Variants in LRRC8E observed in about 807,000 individuals in gnomAD.
The protein encoded by LRRC8E is volume-regulated anion channel subunit LRRC8E.
A neutral mutation model predicts 6.1 loss-of-function variants in LRRC8E; 6 were observed. The ratio of observed to expected loss-of-function variants is 0.98; its 90% CI spans 0.54 to 1.93. The LOEUF (loss-of-function observed/expected upper bound fraction) is 1.93, where lower values mean the gene tolerates loss of function less well. Among genes scored for constraint, LRRC8E ranks in the 30% most tolerant of loss-of-function variants. The pLI is 0.01. For missense variants in LRRC8E, 1,028 were observed against 1,031.4 expected (o/e 1.00, Z 0.04); for synonymous variants, 485 against 472.8 (o/e 1.03, Z -0.33).
In LRRC8E at chr19:7,899,363, A is replaced by G. The variant is rs762580049; in HGVS notation, c.841A>G (p.Ser281Gly). The stretch of plus-strand genomic sequence containing the variant: ...CAACCTGGTCTATGTGGAGAAGATC[A>G]GTTTCCTGGTGGCCTGTAGGGTGGA... ...VYNLVYVEKISFLVACRVETS... is the reference protein window; with the variant it reads ...VYNLVYVEKIGFLVACRVETS... The change falls in exon 3 of 3, where the codon AGT (serine) becomes GGT (glycine). Residue 281 changes from serine (S) to glycine (G), a missense_variant. Physicochemically the swap from Ser to Gly is moderately conservative, Grantham distance 56 (BLOSUM62 0). Transcript: ENST00000306708. The G allele has an allele frequency of 2.5e-6, 4 of 1,614,156 alleles. No individual in the cohort carries two copies. In the South Asian group the frequency reaches 3.3e-5, roughly 13 times the overall value.
At position 7,898,755 on chromosome 19, in the gene LRRC8E, C is replaced by T; in HGVS notation, c.233C>T (p.Pro78Leu). ...CAGCAATTGCTGCCTCGGGGGATCC[C>T]TGAGCAGATTGGGGCCCTGCAGGAG... ...PCQQLLPRGI[P>L]EQIGALQEVK... Residue 78 changes from proline to leucine, a missense_variant, in exon 3 of 3, where the codon CCT (proline) becomes CTT (leucine). Pro to Leu is a moderately conservative substitution (Grantham distance 98). Transcript: ENST00000306708. 6.2e-7 allele frequency: 1 copy of T among 1,614,098 alleles called. No homozygotes were observed. Among genetic ancestry groups the T allele is most frequent in the Non-Finnish European group, 8.5e-7 (1 of 1,180,020 alleles).
chr19:7,896,999 G>A (rs1210026942), intron 2 of LRRC8E, among the ~76,000 whole-genome samples: 1 of 152,128 alleles, frequency 6.6e-6, no homozygotes, highest in Non-Finnish European at 1.5e-5. Context: ...GGATTGAGTG[G>A]CTTAAATAAC....
chr19:7,891,547 T>TGTGTGTGTG (rs1568262044), intron 1 of LRRC8E, among the ~76,000 whole-genome samples: 47 of 91,582 alleles, frequency 5.1e-4, no homozygotes, highest in Non-Finnish European at 8.7e-4. Context: ...GTGTGTGTGT[T>TGTGTGTGTG]TGTGTGTGTG....
Position 7,899,539 on chromosome 19 carries a change from C to T in LRRC8E, c.1017C>T (p.Leu339=), listed in dbSNP as rs1981825616. The part of the protein sequence containing the change: ...YTLYWLFHRP[L]KEYSFRSVRE... ...TCTACTGGCTCTTCCACCGGCCCCT[C>T]AAGGAGTACTCCTTCCGTTCCGTGC... is the stretch of plus-strand genomic sequence containing the variant. Residue 339 remains leucine, a synonymous_variant, in exon 3 of 3, where the codon CTC becomes CTT. Transcript: ENST00000306708. 1 of 1,613,980 alleles carries T rather than the reference C, an allele frequency of 6.2e-7. No individual in the cohort carries two copies. The highest frequency in any genetic ancestry group is 8.5e-7 in the Non-Finnish European group (1 of 1,180,046).
chr19:7,900,680 T>C lies in LRRC8E; in HGVS notation c.2158T>C (p.Phe720Leu). The C allele has an allele frequency of 6.2e-7, 1 of 1,613,422 alleles. No individual in the cohort carries two copies. Among genetic ancestry groups the C allele is most frequent in the Non-Finnish European group, 8.5e-7 (1 of 1,180,030 alleles). Residue 720 changes from phenylalanine (F) to leucine (L), a missense_variant, in exon 3 of 3, where the codon TTC (phenylalanine) becomes CTC (leucine). Transcript: ENST00000306708. This position sits in a 1 kb window ranked among gnomAD's most constrained non-coding sequence, Gnocchi z 5.0. The part of the protein sequence containing the change: ...ALEALPEELF[F>L]CRKLRTLLLG... ...GGAGGCCCTGCCCGAAGAGCTCTTCTTCTGCCGCAAGCTGCGGACGTTGCT... is the reference window on the plus strand; with the variant it reads ...GGAGGCCCTGCCCGAAGAGCTCTTCCTCTGCCGCAAGCTGCGGACGTTGCT...
At chr19:7,889,181 G>A (rs1183887590) in intron 1 of LRRC8E, among the ~76,000 whole-genome samples, 1 of 152,088 alleles carries the variant, frequency 6.6e-6, no homozygotes, top group Admixed American at 6.6e-5. Context: ...GCCGGACACC[G>A]TGCCTTACGT....
intron 1 of LRRC8E, among the ~76,000 whole-genome samples, chr19:7,890,025 G>A (rs942970762): frequency 5.9e-5 from 9 of 151,420 alleles, no homozygotes; most frequent in Admixed American, 2.0e-4. Flanking sequence ...GATTACAGGC[G>A]TGATCCACTG....
chr19:7,897,895 C>T (rs1568265299), intron 2 of LRRC8E, among the ~76,000 whole-genome samples: 1 of 152,008 alleles, frequency 6.6e-6, no homozygotes, highest in Admixed American at 6.6e-5. Context: ...CACGATTCAA[C>T]CCAGCTCCTT....
Position 7,900,871 on chromosome 19 carries a change from G to C in LRRC8E, c.2349G>C (p.Gln783His), listed in dbSNP as rs777592350. 14 of 1,536,376 alleles carry C rather than the reference G, an allele frequency of 9.1e-6. No individual in the cohort carries two copies. The African/African-American group carries it at 1.7e-4, about 18-fold the overall frequency. The change falls in exon 3 of 3, where the codon CAG becomes CAC. Residue 783 changes from glutamine to histidine, a missense_variant. Transcript: ENST00000306708. The surrounding 1 kb of genome is among the most constrained non-coding windows in gnomAD (Gnocchi z 5.0). ...TCCTGGTGGAAGACACGCTTTACCA[G>C]GGTCTGCCGGCAGAAGTGCGGGACA... ...AGLLVEDTLY[Q>H]GLPAEVRDKM...
chr19:7,900,228 G>C lies in LRRC8E; in HGVS notation c.1706G>C (p.Gly569Ala). The C allele has an allele frequency of 9.9e-6, 16 of 1,613,212 alleles. No homozygotes were observed. Among genetic ancestry groups the C allele is most frequent in the Non-Finnish European group, 1.4e-5 (16 of 1,180,030 alleles). Residue 569 changes from glycine to alanine, a missense_variant, in exon 3 of 3, where the codon GGG becomes GCG. Physicochemically the swap from Gly to Ala is moderately conservative, Grantham distance 60. Transcript: ENST00000306708. This position sits in a 1 kb window ranked among gnomAD's most constrained non-coding sequence, Gnocchi z 5.0. ...CAGAGGCTCAGCCTGCACAACGATGGGGCCCGTCTGGTTGCCCTGAACAGC... is the reference window on the plus strand; with the variant it reads ...CAGAGGCTCAGCCTGCACAACGATGCGGCCCGTCTGGTTGCCCTGAACAGC... The part of the protein sequence containing the change: ...HLQRLSLHND[G>A]ARLVALNSLK...
At chr19:7,894,244 G>C (rs1302584040) in intron 1 of LRRC8E, among the ~76,000 whole-genome samples, 1 of 152,152 alleles carries the variant, frequency 6.6e-6, no homozygotes, top group African/African-American at 2.4e-5. Flanking sequence ...TTGTTTGTTT[G>C]AGATGGAGTC....
In LRRC8E at chr19:7,900,449, G is replaced by A. The variant is rs1300239043; in HGVS notation, c.1927G>A (p.Ala643Thr). ...GCTCAGGCTGTGGCACAACCAGATC[G>A]CCTACGTCCCTGAGCACGTGCGGAA... is the stretch of plus-strand genomic sequence containing the variant. ...VTLRLWHNQIAYVPEHVRKLR... is the reference protein window; with the variant it reads ...VTLRLWHNQITYVPEHVRKLR... Residue 643 changes from alanine to threonine, a missense_variant, in exon 3 of 3, where the codon GCC (alanine) becomes ACC (threonine). Transcript: ENST00000306708. The surrounding 1 kb of genome is among the most constrained non-coding windows in gnomAD (Gnocchi z 5.0). 3.1e-6 allele frequency: 5 copies of A among 1,612,940 alleles called. No homozygotes were observed. The highest frequency in any genetic ancestry group is 2.2e-5 in the East Asian group (1 of 44,872).
intron 1 of LRRC8E, among the ~76,000 whole-genome samples, chr19:7,892,695 C>T (rs1393355972): frequency 2.0e-5 from 3 of 152,250 alleles, no homozygotes; most frequent in South Asian, 2.1e-4. Context: ...TGACCCCAAG[C>T]GTCCATTTTG....
Position 7,898,671 on chromosome 19 carries a change from A to C in LRRC8E, c.149A>C (p.Asp50Ala), listed in dbSNP as rs527658422. ...VFGCTLQVTQDKIICLPNHEL... is the reference protein window; with the variant it reads ...VFGCTLQVTQAKIICLPNHEL... ...TCTTTTGCTCCTCAGGTGACACAGG[A>C]CAAGATCATCTGTCTACCCAATCAT... Residue 50 changes from aspartate to alanine, a missense_variant, in exon 3 of 3, where the codon GAC becomes GCC. By Grantham distance (126) the Asp-to-Ala change is moderately radical. Transcript: ENST00000306708. 1 of 1,606,770 alleles carries C rather than the reference A, an allele frequency of 6.2e-7. No individual in the cohort carries two copies. Among genetic ancestry groups the C allele is most frequent in the Non-Finnish European group, 8.5e-7 (1 of 1,175,282 alleles).
intron 2 of LRRC8E, among the ~76,000 whole-genome samples, chr19:7,896,159 C>T (rs1271370949): frequency 3.3e-5 from 5 of 150,716 alleles, no homozygotes; most frequent in East Asian, 2.0e-4. Flanking sequence ...AGGCTGGTCT[C>T]GAACTCCTGA....
Position 7,901,026 on chromosome 19 carries a change from G to GGT in LRRC8E, c.*114_*115insTG. 1.5e-6 allele frequency: 1 copy of GGT among 647,038 alleles called. No homozygotes were observed. Among genetic ancestry groups the GGT allele is most frequent in the Non-Finnish European group, 2.5e-6 (1 of 407,808 alleles). 40.1% of individuals were successfully genotyped at this position (647,038 alleles called of 1,614,324 possible). ...TGGGTCCAGGCCAGGAGATGGGGGG[G>GGT]GCGGGGGCAGCTGTGTCATCTTTCT... On this transcript the variant is annotated 3_prime_UTR_variant, in exon 3 of 3. Coordinates refer to ENST00000306708, the MANE Select transcript of LRRC8E (RefSeq NM_025061.6).
intron 1 of LRRC8E, among the ~76,000 whole-genome samples, chr19:7,894,171 G>T (rs1218581421): frequency 6.6e-6 from 1 of 152,150 alleles, no homozygotes; most frequent in Admixed American, 6.5e-5. Flanking sequence ...ACTCCCTGAT[G>T]GGCAGATGCC....
At chr19:7,890,727 T>C (rs1363159587) in intron 1 of LRRC8E, among the ~76,000 whole-genome samples, 3 of 150,500 alleles carry the variant, frequency 2.0e-5, no homozygotes, top group Non-Finnish European at 3.0e-5. Context: ...AGGCGGAGCT[T>C]GCAGTGAGCC....
In LRRC8E at chr19:7,900,270, C is replaced by A. The variant is rs1472743574; in HGVS notation, c.1748C>A (p.Ala583Glu). 6.2e-7 allele frequency: 1 copy of A among 1,613,416 alleles called. No individual in the cohort carries two copies. Among genetic ancestry groups the A allele is most frequent in the Admixed American group, 1.7e-5 (1 of 60,024 alleles). Residue 583 changes from alanine (A) to glutamate (E), a missense_variant, in exon 3 of 3, where the codon GCA becomes GAA. By Grantham distance (107) the Ala-to-Glu change is moderately radical. Coordinates refer to ENST00000306708, the MANE Select transcript of LRRC8E (RefSeq NM_025061.6). The surrounding 1 kb of genome is among the most constrained non-coding windows in gnomAD (Gnocchi z 5.0). ...VALNSLKKLAALRELELVACG... is the reference protein window; with the variant it reads ...VALNSLKKLAELRELELVACG... ...CTGAACAGCCTCAAGAAGCTGGCGG[C>A]ATTGCGGGAGCTGGAGCTGGTGGCC...
Sources: gnomAD v4.1 joint callset for allele counts (sites outside exome capture counted in the v4.1 genomes callset) on GRCh38, gnomAD v4.1.1 for gene constraint, Gnocchi (gnomAD v3.1) non-coding constraint, MANE v1.5 for transcripts, NCBI Gene and HGNC (gene_info 2026-07-23, HGNC 2026-07-21) for gene names.